Variants in RAF1 observed in about 807,000 individuals in gnomAD.
RAF1 encodes the protein Raf-1 proto-oncogene, serine/threonine kinase.
RAF1 carries 27 observed loss-of-function variants against 81.1 expected under a neutral mutation model. The ratio of observed to expected loss-of-function variants is 0.33; its 90% CI spans 0.25 to 0.46. The LOEUF is 0.46. Ranked by LOEUF, RAF1 falls within the 20% of genes least tolerant of loss-of-function variation. RAF1 has a pLI of 1.00. For synonymous variants in RAF1, 298 were observed against 294.0 expected (o/e 1.01, Z -0.14); for missense variants, 598 against 826.0 (o/e 0.72, Z 3.38).
At chr3:12,637,650 C>G (rs995162382) in intron 1 of RAF1, among the ~76,000 whole-genome samples, 8 of 151,698 alleles carry the variant, frequency 5.3e-5, no homozygotes, top group African/African-American at 1.9e-4. Flanking sequence ...TCAGGGAGTT[C>G]GAGACCAGCC....
chr3:12,614,595 T>TA (rs2059316507), intron 2 of RAF1, among the ~76,000 whole-genome samples: 2 of 91,076 alleles, frequency 2.2e-5, no homozygotes, highest in Non-Finnish European at 2.4e-5. Flanking sequence ...CTAGCTAATG[T>TA]TTTTTTTTTT....
At chr3:12,595,743 A>G (rs1192530766) in intron 11 of RAF1, among the ~76,000 whole-genome samples, 2 of 151,656 alleles carry the variant, frequency 1.3e-5, no homozygotes, top group East Asian at 1.9e-4. Flanking sequence ...TCCCTGACCA[A>G]CCTATTAAAA....
At chr3:12,613,422 C>A (rs60953453) in intron 2 of RAF1, among the ~76,000 whole-genome samples, 33,244 of 143,630 alleles carry the variant, frequency 0.23, 4,090 homozygotes, top group African/African-American at 0.35. Context: ...CCCCGCCATC[C>A]CCCCCCACAC....
At chr3:12,611,308 C>T (rs2059199072) in intron 3 of RAF1, among the ~76,000 whole-genome samples, 1 of 151,958 alleles carries the variant, frequency 6.6e-6, no homozygotes, top group Non-Finnish European at 1.5e-5. Flanking sequence ...GCCTCAAGCC[C>T]CTGGGGTCAT....
rs777760015 is a variant in RAF1, at chr3:12,585,107, C to A, written c.1728+15G>T. On this transcript the variant is annotated intron_variant, in intron 16 of 17. Transcript: ENST00000442415. The stretch of plus-strand genomic sequence containing the variant: ...CTCCCACGAGTTGGGTCCTTTCGCA[C>A]CAGCACAGACTTACCTGATCTCGGT... 2 of 1,614,090 alleles carry A rather than the reference C, an allele frequency of 1.2e-6. No individual in the cohort carries two copies. The highest frequency in any genetic ancestry group is 8.5e-7 in the Non-Finnish European group (1 of 1,180,014).
intron 1 of RAF1, among the ~76,000 whole-genome samples, chr3:12,661,953 A>G (rs2060890278): frequency 6.6e-6 from 1 of 151,692 alleles, no homozygotes; most frequent in Non-Finnish European, 1.5e-5. Context: ...AAGAGGCTGA[A>G]GCTGGAGGAT....
Position 12,663,886 on chromosome 3 carries a change from G to A in RAF1, c.-100C>T, listed in dbSNP as rs2060965731. The A allele has an allele frequency of 1.5e-5, 6 of 398,032 alleles. No individual in the cohort carries two copies. The highest frequency in any genetic ancestry group is 8.2e-5 in the African/African-American group (4 of 48,620). 24.7% of individuals were successfully genotyped at this position (398,032 alleles called of 1,614,324 possible). A position where few individuals can be genotyped will look rare whatever the true frequency, so the allele number is the denominator to read the frequency against. ...TCGCCCGCTCCTCCTCCCCGCGGCG[G>A]GTGAGGGAGCGGGAGGCGGTCACAT... On this transcript the variant is annotated 5_prime_UTR_variant, in exon 1 of 18. Transcript: ENST00000442415.
intron 11 of RAF1, among the ~76,000 whole-genome samples, chr3:12,592,423 T>C (rs1338690767): frequency 1.3e-5 from 2 of 152,194 alleles, no homozygotes; most frequent in Non-Finnish European, 2.9e-5. Context: ...TAAAAAGTAA[T>C]TCTAATAATA....
chr3:12,607,604 T>C (rs1575580125), intron 5 of RAF1, among the ~76,000 whole-genome samples: 1 of 151,980 alleles, frequency 6.6e-6, no homozygotes, highest in Non-Finnish European at 1.5e-5. Context: ...GCTGTGATCA[T>C]GCCACTGCAC....
intron 13 of RAF1, 199 bp from the exon 13 acceptor site, chr3:12,587,836 C>A: frequency 4.2e-6 from 1 of 236,140 alleles, no homozygotes; most frequent in Non-Finnish European, 8.4e-6. Context: ...CATGCTTACA[C>A]CTTTTTTTTT....
intron 11 of RAF1, among the ~76,000 whole-genome samples, chr3:12,594,938 T>C (rs1469632066): frequency 6.6e-6 from 1 of 152,232 alleles, no homozygotes; most frequent in Non-Finnish European, 1.5e-5. Flanking sequence ...GAATGTTCTA[T>C]ACTGCAGCAT....
chr3:12,631,374 G>A (rs2059854198), intron 1 of RAF1, among the ~76,000 whole-genome samples: 1 of 152,154 alleles, frequency 6.6e-6, no homozygotes, highest in African/African-American at 2.4e-5. Context: ...CAAGGCAGGC[G>A]GATCAAGAGG....
In RAF1 at chr3:12,606,973, G is replaced by A. The variant is rs2059053987; in HGVS notation, c.582-674C>T. ...CCCAAAGTGCTGGGATTACAGGCGT[G>A]AGCCACCGCGCCCGGCCCAGTGTGC... On this transcript the variant is annotated intron_variant, in intron 5 of 17. Transcript: ENST00000442415. 2.6e-5 allele frequency among the ~76,000 whole-genome samples: 4 copies of A among 152,178 alleles called. No individual in the cohort carries two copies. In the South Asian group the frequency reaches 8.3e-4, roughly 32 times the overall value.
chr3:12,659,093 T>C (rs1422855856), intron 1 of RAF1, among the ~76,000 whole-genome samples: 1 of 152,120 alleles, frequency 6.6e-6, no homozygotes, highest in Non-Finnish European at 1.5e-5. Context: ...AAGGAATTTT[T>C]ACTTACAACT....
At chr3:12,655,704 A>C (rs1438543136) in intron 1 of RAF1, among the ~76,000 whole-genome samples, 2 of 152,194 alleles carry the variant, frequency 1.3e-5, no homozygotes, top group African/African-American at 4.8e-5. Flanking sequence ...AGATAAACAA[A>C]ATGATATATT....
rs2058238088 is a variant in RAF1, at chr3:12,584,164, C to CTACCT, written c.*345_*349dup. 5 of 404,372 alleles carry CTACCT rather than the reference C, an allele frequency of 1.2e-5. No homozygotes were observed. In the South Asian group the frequency reaches 1.4e-4, roughly 11 times the overall value. 25.0% of individuals were successfully genotyped at this position (404,372 alleles called of 1,614,324 possible). A position where few individuals can be genotyped will look rare whatever the true frequency, so the allele number is the denominator to read the frequency against. ...CTCCACATCAGGGCTGGACTGCCTG[C>CTACCT]TACCTTACTTCCTCTAAATACTCAT... On this transcript the variant is annotated 3_prime_UTR_variant, in exon 18 of 18. Coordinates refer to ENST00000442415, the MANE Select transcript of RAF1 (RefSeq NM_001354689.3).
chr3:12,661,392 G>A (rs983792606), intron 1 of RAF1, among the ~76,000 whole-genome samples: 5 of 152,036 alleles, frequency 3.3e-5, no homozygotes, highest in East Asian at 1.9e-4. Flanking sequence ...CTGTAAGACT[G>A]GGGAGTACAT....
At chr3:12,606,000 TTCCAGAA>T (rs1273466397) in intron 6 of RAF1, among the ~76,000 whole-genome samples, 194 bp downstream of exon 6, 2 of 151,582 alleles carry the variant, frequency 1.3e-5, no homozygotes, top group African/African-American at 4.9e-5. Flanking sequence ...CAAAGTCACT[TTCCAGAA>T]TGTAAGACCT....
At chr3:12,616,591 T>C (rs975175805) in intron 2 of RAF1, among the ~76,000 whole-genome samples, 8 of 152,228 alleles carry the variant, frequency 5.3e-5, no homozygotes, top group African/African-American at 1.9e-4. Context: ...CAGTTCAAAA[T>C]GCACCTAAGT....
Sources: allele counts gnomAD v4.1 joint callset (sites outside exome capture counted in the v4.1 genomes callset), GRCh38; gene constraint gnomAD v4.1.1; transcripts MANE v1.5; gene names NCBI Gene and HGNC (gene_info 2026-07-23, HGNC 2026-07-21).